Variants in PRICKLE2 observed in about 807,000 individuals in gnomAD.
PRICKLE2 encodes the protein prickle-like protein 2.
A neutral mutation model predicts 81.4 loss-of-function variants in PRICKLE2; 21 were observed. The ratio of observed to expected loss-of-function variants is 0.26; its 90% CI spans 0.18 to 0.37. The LOEUF (loss-of-function observed/expected upper bound fraction) is 0.37, where lower values mean the gene tolerates loss of function less well. Ranked by LOEUF, PRICKLE2 falls within the 10% of genes least tolerant of loss-of-function variation. The probability of loss-of-function intolerance (pLI) is 1.00; values close to 1 mark genes in which losing one functional copy is unlikely to be tolerated. For synonymous variants in PRICKLE2, 456 were observed against 421.5 expected, an observed-to-expected ratio of 1.08 and a Z score of -1.00; for missense variants, 940 against 1,109.0, an observed-to-expected ratio of 0.85 and a Z score of 2.16.
upstream of PRICKLE2, among the ~76,000 whole-genome samples, chr3:64,228,939 T>C (rs952758201): frequency 6.6e-6 from 1 of 152,220 alleles, no homozygotes; most frequent in African/African-American, 2.4e-5. Context: ...AAGTATGATC[T>C]GGGTCAGGCC....
chr3:64,100,199 G>C, intron 7 of PRICKLE2: 2 of 505,320 alleles, frequency 4.0e-6, no homozygotes, highest in Non-Finnish European at 7.1e-6. Flanking sequence ...AAGTTACTAA[G>C]AGCCCACTGT....
intron 7 of PRICKLE2, among the ~76,000 whole-genome samples, chr3:64,104,996 G>C (rs191914441): frequency 1.3e-5 from 2 of 152,120 alleles, no homozygotes; most frequent in South Asian, 4.1e-4. Context: ...AAGGCCCTAC[G>C]TGACTTGGCT....
At position 64,108,282 on chromosome 3, in the gene PRICKLE2, A is replaced by G. The variant is rs540675162; in HGVS notation, c.1661-8357T>C. Among the ~76,000 whole-genome samples, 6 of 152,334 alleles carry G rather than the reference A, an allele frequency of 3.9e-5. No homozygotes were observed. The South Asian group carries it at 1.0e-3, about 26-fold the overall frequency. ...GGGCGCTACACAGTTGAAGCCTCTC[A>G]GACCGTGCAAAAAGTGTCCCAAGGT... On this transcript the variant is annotated intron_variant, in intron 7 of 7. Coordinates refer to ENST00000638394, the MANE Select transcript of PRICKLE2 (RefSeq NM_198859.4).
intron 7 of PRICKLE2, chr3:64,102,944 T>C (rs1228790637): frequency 2.0e-5 from 3 of 152,220 alleles, no homozygotes; most frequent in Non-Finnish European, 4.4e-5. Context: ...TCAAATGGTT[T>C]ATAAATAAAA....
chr3:64,239,952 CAAAAAAAAAAAA>C (rs57932723), intron 2 of PRICKLE2, among the ~76,000 whole-genome samples: 82 of 32,244 alleles, frequency 2.5e-3, no homozygotes, highest in East Asian at 5.4e-3. Flanking sequence ...CCATCGCTAC[CAAAAAAAAAAAA>C]AAAAAAAAAA....
At chr3:64,101,140 T>C (rs138937756) in intron 7 of PRICKLE2, 33 of 152,374 alleles carry the variant, frequency 2.2e-4, no homozygotes, top group African/African-American at 7.7e-4. Context: ...TGTGGACTTA[T>C]GAATTTCTGT....
chr3:64,126,776 C>T (rs2077114007), intron 7 of PRICKLE2, among the ~76,000 whole-genome samples: 1 of 152,094 alleles, frequency 6.6e-6, no homozygotes, highest in African/African-American at 2.4e-5. Flanking sequence ...CGGGGTTTCA[C>T]CACGTTGGCC....
At chr3:64,124,064 T>A (rs2077070409) in intron 7 of PRICKLE2, among the ~76,000 whole-genome samples, 1 of 152,122 alleles carries the variant, frequency 6.6e-6, no homozygotes, top group Non-Finnish European at 1.5e-5. Context: ...AAAAAGTTCT[T>A]GAAGGAATTT....
rs1490851355 is a variant in PRICKLE2 at position 64,096,259 on chromosome 3, G to C, written c.*2792C>G. The C allele has an allele frequency of 6.6e-6, 1 of 152,242 alleles. No individual in the cohort carries two copies. Among genetic ancestry groups the C allele is most frequent in the Non-Finnish European group, 1.5e-5 (1 of 68,062 alleles). The allele number at this position is 152,242 out of a possible 1,614,324, so 9.4% of individuals were successfully genotyped here. A position where few individuals can be genotyped will look rare whatever the true frequency, so the allele number is the denominator to read the frequency against. On this transcript the variant is annotated 3_prime_UTR_variant, in exon 8 of 8. Coordinates refer to ENST00000638394, the MANE Select transcript of PRICKLE2 (RefSeq NM_198859.4). ...TCTTGAAGATGGAATTATGATCTAAGAGGAAGTGAGTACAGGCCCTACTCA... is the reference window on the plus strand; with the variant it reads ...TCTTGAAGATGGAATTATGATCTAACAGGAAGTGAGTACAGGCCCTACTCA...
At chr3:64,254,528 C>G (rs2079496761) in intron 2 of PRICKLE2, among the ~76,000 whole-genome samples, 6 of 152,252 alleles carry the variant, frequency 3.9e-5, no homozygotes, top group Admixed American at 3.3e-4. Context: ...GACCCTCAAT[C>G]TATTTCTCAC....
intron 1 of PRICKLE2, among the ~76,000 whole-genome samples, chr3:64,202,457 G>A (rs920800424): frequency 6.6e-6 from 1 of 152,026 alleles, no homozygotes; most frequent in Non-Finnish European, 1.5e-5. Flanking sequence ...TTAGGCACAA[G>A]GCTTGCACTT....
At chr3:64,115,015 T>C (rs1347523601) in intron 7 of PRICKLE2, among the ~76,000 whole-genome samples, 1 of 152,208 alleles carries the variant, frequency 6.6e-6, no homozygotes, top group Non-Finnish European at 1.5e-5. Flanking sequence ...GCTGAAACCC[T>C]GTAAGCCAGA....
intron 2 of PRICKLE2, among the ~76,000 whole-genome samples, chr3:64,260,151 TACC>T (rs1186865405): frequency 6.6e-6 from 1 of 152,132 alleles, no homozygotes; most frequent in East Asian, 1.9e-4. Context: ...GGAGATATGG[TACC>T]ATAGACTTTC....
Position 64,099,559 on chromosome 3 carries a change from C to T in PRICKLE2, c.2027G>A (p.Arg676His). 2.5e-6 allele frequency: 4 copies of T among 1,611,364 alleles called. No individual in the cohort carries two copies. The highest frequency in any genetic ancestry group is 2.2e-5 in the East Asian group (1 of 44,798). The part of the protein sequence containing the change: ...SERTRRRATS[R>H]DDNRRFRPHR... ...AGGTCGGAAACGGCGGTTGTCGTCG[C>T]GTGAAGTAGCTCTTCTCCGGGTGCG... The change falls in exon 8 of 8, where the codon CGC (arginine) becomes CAC (histidine). Residue 676 changes from arginine (R) to histidine (H), a missense_variant. Arg to His is a conservative substitution (Grantham distance 29). This residue lies in a region of PRICKLE2 where 670 missense variants were observed against 717.2 expected (regional missense o/e 0.93). Transcript: ENST00000638394. The surrounding 1 kb of genome is among the most constrained non-coding windows in gnomAD (Gnocchi z 4.3).
chr3:64,130,183 C>A (rs764160632), intron 7 of PRICKLE2, among the ~76,000 whole-genome samples: 5 of 152,156 alleles, frequency 3.3e-5, no homozygotes, highest in Non-Finnish European at 7.3e-5. Context: ...TTGACTTTTC[C>A]ACTTCAGCCC....
At chr3:64,169,991 G>C (rs2077902421) in intron 2 of PRICKLE2, among the ~76,000 whole-genome samples, 1 of 152,090 alleles carries the variant, frequency 6.6e-6, no homozygotes, top group African/African-American at 2.4e-5. Flanking sequence ...GAGTAAATAG[G>C]GATGGGCTGC....
intron 2 of PRICKLE2, among the ~76,000 whole-genome samples, chr3:64,258,282 C>G (rs1278325891): frequency 3.3e-5 from 5 of 152,166 alleles, no homozygotes; most frequent in African/African-American, 1.2e-4. Flanking sequence ...ATGTCTGTAA[C>G]AGCACTTTTT....
intron 2 of PRICKLE2, among the ~76,000 whole-genome samples, chr3:64,233,427 C>A (rs1182661241): frequency 6.6e-6 from 1 of 152,234 alleles, no homozygotes; most frequent in Non-Finnish European, 1.5e-5. Context: ...GACACTATCT[C>A]CTGCTACTGT....
intron 2 of PRICKLE2, among the ~76,000 whole-genome samples, chr3:64,234,315 G>A (rs2079149703): frequency 6.7e-6 from 1 of 150,058 alleles, no homozygotes; most frequent in African/African-American, 2.4e-5. Context: ...CTTCATCTTT[G>A]CCAAAACTTG....
Sources: allele counts gnomAD v4.1 joint callset (sites outside exome capture counted in the v4.1 genomes callset), GRCh38; gene constraint gnomAD v4.1.1; regional missense constraint gnomAD v4.1.1; non-coding constraint Gnocchi (gnomAD v3.1); transcripts MANE v1.5; gene names NCBI Gene and HGNC (gene_info 2026-07-23, HGNC 2026-07-21).